MAPK10: variants seen among roughly 807,000 people sequenced by gnomAD.
MAPK10 encodes the protein JNK3 alpha protein kinase.
MAPK10 carries 25 observed loss-of-function variants against 59.3 expected under a neutral mutation model. That is an observed-to-expected ratio of 0.42 (90% CI 0.31 to 0.59). The LOEUF is 0.59. Ranked by LOEUF, MAPK10 falls within the 20% of genes least tolerant of loss-of-function variation. The pLI is 0.15. For missense variants in MAPK10, 351 were observed against 568.9 expected, an observed-to-expected ratio of 0.62 and a Z score of 3.90; for synonymous variants, 190 against 200.5, an observed-to-expected ratio of 0.95 and a Z score of 0.44.
At chr4:86,466,784 C>G (rs1352594757) in intron 1 of MAPK10, among the ~76,000 whole-genome samples, 1 of 152,078 alleles carries the variant, frequency 6.6e-6, no homozygotes, top group East Asian at 1.9e-4. Flanking sequence ...TTGATTGTAC[C>G]CCTGTGAAAA....
At chr4:86,189,405 T>C (rs1410687546) in intron 3 of MAPK10, among the ~76,000 whole-genome samples, 1 of 152,194 alleles carries the variant, frequency 6.6e-6, no homozygotes, top group Non-Finnish European at 1.5e-5. Context: ...TCCATTTATT[T>C]GTGTCCTCTC....
At chr4:86,128,666 A>C (rs1431173514) in intron 4 of MAPK10, among the ~76,000 whole-genome samples, 1 of 152,122 alleles carries the variant, frequency 6.6e-6, no homozygotes, top group East Asian at 1.9e-4. Flanking sequence ...TACAATTATA[A>C]TCTTGTTGTA....
At chr4:86,147,517 C>T (rs181910021) in intron 4 of MAPK10, among the ~76,000 whole-genome samples, 1 of 152,224 alleles carries the variant, frequency 6.6e-6, no homozygotes, top group African/African-American at 2.4e-5. Flanking sequence ...CAATGACATT[C>T]ATGTCTTATT....
chr4:86,168,718 C>G (rs2072869313), intron 3 of MAPK10, among the ~76,000 whole-genome samples: 2 of 152,080 alleles, frequency 1.3e-5, no homozygotes, highest in Admixed American at 6.5e-5. Flanking sequence ...AGTGGTTCTC[C>G]CAGCACACAG....
chr4:86,101,872 A>AT, intron 7 of MAPK10, 22 bp downstream of exon 7: 6 of 1,612,874 alleles, frequency 3.7e-6, no homozygotes, highest in Non-Finnish European at 5.1e-6. Context: ...TTGAATTGTA[A>AT]TCCTAGAGAA....
At chr4:86,082,991 G>A (rs891335283) in intron 9 of MAPK10, among the ~76,000 whole-genome samples, 40 of 152,128 alleles carry the variant, frequency 2.6e-4, no homozygotes, top group African/African-American at 8.0e-4. Context: ...CAGAGTCTGC[G>A]GGACAGACTT....
intron 11 of MAPK10, among the ~76,000 whole-genome samples, chr4:86,060,743 G>T (rs1042400051): frequency 6.6e-6 from 1 of 151,950 alleles, no homozygotes; most frequent in Non-Finnish European, 1.5e-5. Flanking sequence ...TTAAACTAAT[G>T]ACACTAGATT....
At chr4:86,042,403 T>C (rs1198977918) in intron 11 of MAPK10, among the ~76,000 whole-genome samples, 2 of 152,092 alleles carry the variant, frequency 1.3e-5, no homozygotes, top group African/African-American at 4.8e-5. Context: ...GCTGGGTTGA[T>C]AGGTGCAGCA....
At position 86,275,479 on chromosome 4, in the gene MAPK10, C is replaced by T. The variant is rs548948496; in HGVS notation, c.-7+79051G>A. On this transcript the variant is annotated intron_variant, in intron 2 of 13. Coordinates refer to ENST00000641462, the MANE Select transcript of MAPK10 (RefSeq NM_138982.4). The stretch of plus-strand genomic sequence containing the variant: ...TTAACATAAAATCATATTTTATCAA[C>T]GTAGAAGACCCAAAAGACAGCAAAT... Among the ~76,000 whole-genome samples, 236 of 152,070 alleles carry T rather than the reference C, an allele frequency of 1.6e-3. 1 individual carries two copies. The highest frequency in any genetic ancestry group is 5.3e-3 in the African/African-American group (221 of 41,524).
At position 86,259,977 on chromosome 4, in the gene MAPK10, A is replaced by G. The variant is rs536892692; in HGVS notation, c.-6-65570T>C. Among the ~76,000 whole-genome samples the G allele has an allele frequency of 1.8e-4, 27 of 152,234 alleles. No individual in the cohort carries two copies. In the South Asian group the frequency reaches 5.6e-3, roughly 32 times the overall value. On this transcript the variant is annotated intron_variant, in intron 2 of 13. Coordinates refer to ENST00000641462, the MANE Select transcript of MAPK10 (RefSeq NM_138982.4). ...TTTGGTGAAAATAATACTAAAGTTG[A>G]AAACCGACAACCTGGATTCAAATTT...
chr4:86,322,081 T>C (rs188671970), intron 2 of MAPK10: 1 of 152,298 alleles, frequency 6.6e-6, no homozygotes, highest in African/African-American at 2.4e-5. Context: ...CAAATATTCA[T>C]AATTCCATTA....
At chr4:86,097,452 T>C (rs2054457333) in intron 9 of MAPK10, among the ~76,000 whole-genome samples, 1 of 152,042 alleles carries the variant, frequency 6.6e-6, no homozygotes, top group African/African-American at 2.4e-5. Context: ...ATAACCTTTC[T>C]TACATAATAG....
intron 2 of MAPK10, among the ~76,000 whole-genome samples, chr4:86,320,183 G>A (rs1318359778): frequency 6.6e-6 from 1 of 152,228 alleles, no homozygotes; most frequent in Non-Finnish European, 1.5e-5. Context: ...TCCGTAAAAT[G>A]TAGCTATCAG....
chr4:86,441,419 A>T, intron 1 of MAPK10, among the ~76,000 whole-genome samples: 1 of 152,214 alleles, frequency 6.6e-6, no homozygotes, highest in South Asian at 2.1e-4. Flanking sequence ...GTTCAAAGAG[A>T]CCTACTTTTG....
intron 3 of MAPK10, among the ~76,000 whole-genome samples, chr4:86,168,088 T>C (rs774682270): frequency 3.9e-5 from 6 of 152,296 alleles, no homozygotes; most frequent in Middle Eastern, 6.8e-3. Flanking sequence ...ACAGCCAAGA[T>C]GGCCTAATAG....
chr4:86,367,919 T>C (rs1185798359), intron 1 of MAPK10, among the ~76,000 whole-genome samples: 3 of 152,160 alleles, frequency 2.0e-5, no homozygotes, highest in Non-Finnish European at 4.4e-5. Flanking sequence ...TGTGACAGGG[T>C]GTTTTCTATA....
intron 2 of MAPK10, among the ~76,000 whole-genome samples, chr4:86,235,970 G>A (rs1249625382): frequency 6.6e-6 from 1 of 152,134 alleles, no homozygotes; most frequent in Non-Finnish European, 1.5e-5. Flanking sequence ...GGGTTGGCAG[G>A]GATAGTTCCT....
intron 3 of MAPK10, among the ~76,000 whole-genome samples, chr4:86,174,704 A>T (rs576290547): frequency 2.6e-5 from 4 of 152,302 alleles, no homozygotes; most frequent in Non-Finnish European, 4.4e-5. Context: ...TAAACTCCTG[A>T]GTCACCAGAT....
chr4:86,171,063 T>G (rs2073972582), intron 3 of MAPK10: 1 of 151,912 alleles, frequency 6.6e-6, no homozygotes, highest in Admixed American at 6.6e-5. Flanking sequence ...TCTCTGGGAC[T>G]CATTCGAAGC....
Sources: gnomAD v4.1 joint callset for allele counts (sites outside exome capture counted in the v4.1 genomes callset) on GRCh38, gnomAD v4.1.1 for gene constraint, MANE v1.5 for transcripts, NCBI Gene and HGNC (gene_info 2026-07-23, HGNC 2026-07-21) for gene names.